The following ZNF844 variants were observed in gnomAD, a reference collection of about 807,000 sequenced individuals.
ZNF844 encodes zinc finger protein 844.
Under a neutral mutation model 11.4 loss-of-function variants are expected in ZNF844, and 11 were observed. The observed-to-expected ratio is 0.97, with a 90% CI of 0.61 to 1.60. ZNF844 has a LOEUF of 1.60. Ranked by LOEUF, ZNF844 falls within the 40% of genes most tolerant of loss-of-function variation. ZNF844 has a pLI of 0.00. For missense variants in ZNF844, 790 were observed against 796.8 expected (o/e 0.99, Z 0.10); for synonymous variants, 248 against 260.3 (o/e 0.95, Z 0.46).
Position 12,078,206 on chromosome 19 carries a change from GC to G in ZNF844, c.*1087del, listed in dbSNP as rs1568362271. ...GGCTGGAGTGCAGTGGCATGATCTC[GC>G]CTCCGGGTTCAAGCAATTCTCCTGC... is the stretch of plus-strand genomic sequence containing the variant. On this transcript the variant is annotated 3_prime_UTR_variant, in exon 4 of 4. Coordinates refer to ENST00000439326, the MANE Select transcript of ZNF844 (RefSeq NM_001136501.3). 1 of 152,086 alleles carries G rather than the reference GC, an allele frequency of 6.6e-6. No individual in the cohort carries two copies. The highest frequency in any genetic ancestry group is 1.9e-4 in the East Asian group (1 of 5,170). 9.4% of individuals were successfully genotyped at this position (152,086 alleles called of 1,614,324 possible).
chr19:12,077,015 C>T lies in ZNF844; in HGVS notation c.1895C>T (p.Thr632Ile). 3 of 1,594,486 alleles carry T rather than the reference C, an allele frequency of 1.9e-6. No individual in the cohort carries two copies. The highest frequency in any genetic ancestry group is 2.6e-6 in the Non-Finnish European group (3 of 1,170,036). Reference sequence around the variant, plus strand: ...ATTATTTTTCTTCTTTGCGTATACACAAAAGGATGCACACTGGAGAGAAAC... The same window carrying T: ...ATTATTTTTCTTCTTTGCGTATACATAAAAGGATGCACACTGGAGAGAAAC... Reference protein sequence around the residue: ...RSIIFLLCVYTKGCTLERNHI... With the variant: ...RSIIFLLCVYIKGCTLERNHI... Residue 632 changes from threonine (T) to isoleucine (I), a missense_variant, in exon 4 of 4, where the codon ACA becomes ATA. This residue lies in a region of ZNF844 where 657 missense variants were observed against 636.2 expected (regional missense o/e 1.03). Transcript: ENST00000439326.
intron 2 of ZNF844, 75 bp from the exon 3 acceptor site, chr19:12,074,286 C>T (rs1326778721): frequency 2.7e-5 from 41 of 1,506,488 alleles, no homozygotes; most frequent in Admixed American, 6.5e-5. Context: ...TCTAATGTCC[C>T]GTGAACATAG....
intron 1 of ZNF844, among the ~76,000 whole-genome samples, chr19:12,066,842 G>A (rs1230332175): frequency 6.6e-6 from 1 of 151,970 alleles, no homozygotes; most frequent in Non-Finnish European, 1.5e-5. Flanking sequence ...CACCTCGCCC[G>A]GCCAAATGTC....
rs1975667929 is a variant in ZNF844, at chr19:12,064,741, C to T, written c.-133C>T. The T allele has an allele frequency of 1.1e-6, 1 of 921,748 alleles. No homozygotes were observed. The highest frequency in any genetic ancestry group is 1.6e-6 in the Non-Finnish European group (1 of 616,258). 57.1% of individuals were successfully genotyped at this position (921,748 alleles called of 1,614,324 possible). A position where few individuals can be genotyped will look rare whatever the true frequency, so the allele number is the denominator to read the frequency against. On this transcript the variant is annotated 5_prime_UTR_variant, in exon 1 of 4. Transcript: ENST00000439326. ...ATTGCCGTTCGCCTCAGTCTTTGGC[C>T]CCTCCCGCCGGGTGAGGTTGGCACC...
chr19:12,072,213 GC>G (rs1975760315), intron 1 of ZNF844, among the ~76,000 whole-genome samples: 1 of 152,120 alleles, frequency 6.6e-6, no homozygotes, highest in African/African-American at 2.4e-5. Flanking sequence ...GCTTTTTGTA[GC>G]ATGGGACAGA....
chr19:12,073,140 A>G (rs1474085361), intron 1 of ZNF844, among the ~76,000 whole-genome samples: 1 of 150,648 alleles, frequency 6.6e-6, no homozygotes, highest in Non-Finnish European at 1.5e-5. Context: ...ATCAATTACA[A>G]TTTAAGTTTT....
rs1450712830 is a variant in ZNF844 at position 12,064,731 on chromosome 19, A to C, written c.-143A>C. The C allele has an allele frequency of 1.0e-5, 8 of 777,084 alleles. No individual in the cohort carries two copies. Among genetic ancestry groups the C allele is most frequent in the Non-Finnish European group, 1.6e-5 (8 of 498,446 alleles). The allele number at this position is 777,084 out of a possible 1,614,324, so 48.1% of individuals were successfully genotyped here. On this transcript the variant is annotated 5_prime_UTR_variant, in exon 1 of 4. Coordinates refer to ENST00000439326, the MANE Select transcript of ZNF844 (RefSeq NM_001136501.3). ...CGCGGGTCACATTGCCGTTCGCCTC[A>C]GTCTTTGGCCCCTCCCGCCGGGTGA...
chr19:12,072,190 C>T (rs994264323), intron 1 of ZNF844, among the ~76,000 whole-genome samples: 2 of 152,230 alleles, frequency 1.3e-5, no homozygotes, highest in South Asian at 4.1e-4. Context: ...CCAGCTGAAT[C>T]CTGAATTTTC....
chr19:12,068,546 TG>T (rs1466271871), intron 1 of ZNF844, among the ~76,000 whole-genome samples: 1 of 152,010 alleles, frequency 6.6e-6, no homozygotes, highest in Non-Finnish European at 1.5e-5. Context: ...GCAGGAGAAT[TG>T]CTTGAAACCA....
At chr19:12,065,026 C>T (rs1975672449) in intron 1 of ZNF844, 150 bp downstream of exon 1, 2 of 831,548 alleles carry the variant, frequency 2.4e-6, no homozygotes, top group African/African-American at 3.6e-5. Context: ...GCAGCTCGGC[C>T]TTCGGTCCAT....
chr19:12,076,517 T>A lies in ZNF844; in HGVS notation c.1397T>A (p.Met466Lys). ...GATCTGCCTCACACCTTCAAATGCA[T>A]GGAAGGACTCACACTCAAGAGAAAC... ...PSDLPHTFKCMEGLTLKRNPM... is the reference protein window; with the variant it reads ...PSDLPHTFKCKEGLTLKRNPM... The change falls in exon 4 of 4, where the codon ATG (methionine) becomes AAG (lysine). Residue 466 changes from methionine (M) to lysine (K), a missense_variant. Met to Lys is a moderately conservative substitution (Grantham distance 95). Coordinates refer to ENST00000439326, the MANE Select transcript of ZNF844 (RefSeq NM_001136501.3). 6.2e-7 allele frequency: 1 copy of A among 1,610,500 alleles called. No individual in the cohort carries two copies. The highest frequency in any genetic ancestry group is 8.5e-7 in the Non-Finnish European group (1 of 1,178,482).
rs113824890 is a variant in ZNF844, at chr19:12,069,896, G to A, written c.4-4135G>A. ...CTTGAACCCAGGAGGCGGAGGTTGC[G>A]GAGAGCCAAGTTTGCGCCAACTGCA... is the stretch of plus-strand genomic sequence containing the variant. On this transcript the variant is annotated intron_variant, in intron 1 of 3. Coordinates refer to ENST00000439326, the MANE Select transcript of ZNF844 (RefSeq NM_001136501.3). Among the ~76,000 whole-genome samples, 1,293 of 150,116 alleles carry A rather than the reference G, an allele frequency of 8.6e-3. 18 individuals are homozygous for A. Among genetic ancestry groups the A allele is most frequent in the African/African-American group, 0.03 (1,230 of 40,742 alleles).
At chr19:12,066,519 A>G (rs1975689969) in intron 1 of ZNF844, among the ~76,000 whole-genome samples, 1 of 146,202 alleles carries the variant, frequency 6.8e-6, no homozygotes, top group Non-Finnish European at 1.5e-5. Flanking sequence ...AAACTATAAC[A>G]TAAATGTCTT....
intron 1 of ZNF844, 46 bp from the exon 2 acceptor site, chr19:12,073,985 G>A (rs577960831): frequency 2.5e-6 from 4 of 1,589,442 alleles, no homozygotes; most frequent in Admixed American, 1.8e-5. Flanking sequence ...GACCCCCAGT[G>A]CTGTCAGTCT....
chr19:12,072,819 A>G (rs942855831), intron 1 of ZNF844, among the ~76,000 whole-genome samples: 4 of 151,942 alleles, frequency 2.6e-5, no homozygotes, highest in African/African-American at 9.7e-5. Flanking sequence ...TCCTGACCTC[A>G]GGTGATCCAC....
chr19:12,075,168 C>T lies in ZNF844; in HGVS notation c.192-144C>T, dbSNP rs560582916. ...TGTATACATATGTAACAAACCTGCA[C>T]GTTGTGCACATGTACCCTAAAACTT... On this transcript the variant is annotated intron_variant, in intron 3 of 3. Coordinates refer to ENST00000439326, the MANE Select transcript of ZNF844 (RefSeq NM_001136501.3). 8.9e-4 allele frequency: 414 copies of T among 465,656 alleles called. 2 individuals are homozygous for T. Among genetic ancestry groups the T allele is most frequent in the African/African-American group, 7.1e-3 (344 of 48,708 alleles). The allele number at this position is 465,656 out of a possible 1,614,324, so 28.8% of individuals were successfully genotyped here. A position where few individuals can be genotyped will look rare whatever the true frequency, so the allele number is the denominator to read the frequency against.
chr19:12,075,281 C>T, intron 3 of ZNF844, 31 bp from the exon 4 acceptor site: 1 of 1,337,820 alleles, frequency 7.5e-7, no homozygotes, highest in Non-Finnish European at 9.6e-7. Flanking sequence ...TATAAACAAA[C>T]CTTCAATAAT....
In ZNF844 at chr19:12,079,497, A is replaced by C. The variant is rs898163259; in HGVS notation, c.*2376A>C. The C allele has an allele frequency of 5.9e-5, 9 of 152,084 alleles. No homozygotes were observed. Among genetic ancestry groups the C allele is most frequent in the African/African-American group, 2.2e-4 (9 of 41,376 alleles). The allele number at this position is 152,084 out of a possible 1,614,324, so 9.4% of individuals were successfully genotyped here. On this transcript the variant is annotated 3_prime_UTR_variant, in exon 4 of 4. Transcript: ENST00000439326. Reference sequence around the variant, plus strand: ...ACATAGTGAAACCCTGTCTCTACCAAAAATACAAAAATTAGCCAGGCATGG... The same window carrying C: ...ACATAGTGAAACCCTGTCTCTACCACAAATACAAAAATTAGCCAGGCATGG...
rs919883789 is a variant in ZNF844, at chr19:12,074,303, A to G, written c.131-58A>G. 8.7e-6 allele frequency: 13 copies of G among 1,489,110 alleles called. No individual in the cohort carries two copies. The African/African-American group carries it at 1.7e-4, about 20-fold the overall frequency. The allele number at this position is 1,489,110 out of a possible 1,614,324, so 92.2% of individuals were successfully genotyped here. On this transcript the variant is annotated intron_variant, in intron 2 of 3. Transcript: ENST00000439326. ...TAATGTCCCGTGAACATAGAATCTA[A>G]TCATTTTTTCATAATTTTATTTTAA...
Sources: gnomAD v4.1 joint callset for allele counts (sites outside exome capture counted in the v4.1 genomes callset) on GRCh38, gnomAD v4.1.1 for gene constraint, gnomAD v4.1.1 regional missense constraint, MANE v1.5 for transcripts, NCBI Gene and HGNC (gene_info 2026-07-23, HGNC 2026-07-21) for gene names.